The following METTL21C variants were observed in gnomAD, a reference collection of about 807,000 sequenced individuals.
The protein encoded by METTL21C is protein-lysine methyltransferase METTL21C.
Under a neutral mutation model 25.9 loss-of-function variants are expected in METTL21C, and 21 were observed. The ratio of observed to expected loss-of-function variants is 0.81; its 90% CI spans 0.58 to 1.17. The LOEUF is 1.17. METTL21C is among the 50% of genes most tolerant of loss of function. The pLI, the probability that METTL21C is intolerant of heterozygous loss-of-function variation, is 0.00. For missense variants in METTL21C, 312 were observed against 315.1 expected (o/e 0.99, Z 0.07); for synonymous variants, 125 against 124.7 (o/e 1.00, Z -0.01).
upstream of METTL21C, among the ~76,000 whole-genome samples, chr13:102,698,236 C>T (rs1276875167): frequency 6.6e-6 from 1 of 152,170 alleles, no homozygotes; most frequent in African/African-American, 2.4e-5. Context: ...TTCTGGATCA[C>T]TCACCTAATC....
upstream of METTL21C, among the ~76,000 whole-genome samples, chr13:102,697,992 C>G (rs113862280): frequency 7.9e-5 from 12 of 152,276 alleles, no homozygotes; most frequent in African/African-American, 2.2e-4. Context: ...GAGCAGCAGC[C>G]AGGGCACTCC....
Position 102,690,680 on chromosome 13 carries a change from AG to A in METTL21C, c.282+132del, listed in dbSNP as rs980637862. 6 of 974,964 alleles carry A rather than the reference AG, an allele frequency of 6.2e-6. No individual in the cohort carries two copies. In the African/African-American group the frequency reaches 8.5e-5, roughly 14 times the overall value. 60.4% of individuals were successfully genotyped at this position (974,964 alleles called of 1,614,324 possible). A position where few individuals can be genotyped will look rare whatever the true frequency, so the allele number is the denominator to read the frequency against. The stretch of plus-strand genomic sequence containing the variant: ...CCCAAGCACTCCACCAACACCCTCC[AG>A]GGGGCAAGCAACTGAACCTCAAATT... On this transcript the variant is annotated intron_variant, in intron 2 of 3. Transcript: ENST00000267273.
chr13:102,688,813 G>A (rs901393021), intron 2 of METTL21C, among the ~76,000 whole-genome samples: 2 of 152,168 alleles, frequency 1.3e-5, no homozygotes, highest in African/African-American at 4.8e-5. Flanking sequence ...AGGGTGTCAT[G>A]CGGAGACAAA....
At chr13:102,701,137 T>C in the METTL21C span, among the ~76,000 whole-genome samples, 1,238 of 151,992 alleles carry the variant, frequency 8.1e-3, 15 homozygotes, top group African/African-American at 0.028. Context: ...ATGGACTCCA[T>C]TGGAGAGACG....
the METTL21C span, among the ~76,000 whole-genome samples, chr13:102,702,391 T>G: frequency 6.6e-6 from 1 of 152,098 alleles, no homozygotes; most frequent in Admixed American, 6.5e-5. Context: ...TATTTAGCAT[T>G]GTGTAGAAGT....
At chr13:102,697,711 G>A (rs569124496), upstream of METTL21C, among the ~76,000 whole-genome samples, 14 of 150,646 alleles carry the variant, frequency 9.3e-5, no homozygotes, top group South Asian at 2.1e-4. Context: ...CTGGTTTCTC[G>A]ATGAAGCAGA....
chr13:102,697,932 G>T (rs577937234), upstream of METTL21C, among the ~76,000 whole-genome samples: 1 of 152,250 alleles, frequency 6.6e-6, no homozygotes, highest in Admixed American at 6.5e-5. Flanking sequence ...CACTCCAGCT[G>T]CAGAGAGCTC....
At chr13:102,696,915 C>T (rs1056231136), upstream of METTL21C, among the ~76,000 whole-genome samples, 6 of 151,994 alleles carry the variant, frequency 3.9e-5, no homozygotes, top group South Asian at 2.1e-4. Context: ...AAGGGATTGA[C>T]GGGGGGCAGG....
chr13:102,697,197 G>T (rs1047818671), upstream of METTL21C, among the ~76,000 whole-genome samples: 1 of 152,150 alleles, frequency 6.6e-6, no homozygotes, highest in East Asian at 1.9e-4. Flanking sequence ...GGCTATTCAT[G>T]TGCTGTCACT....
At position 102,694,461 on chromosome 13, in the gene METTL21C, C is replaced by A. The variant is rs753242037; in HGVS notation, c.38G>T (p.Arg13Leu). Residue 13 changes from arginine (R) to leucine (L), a missense_variant, in exon 1 of 4, where the codon CGC becomes CTC. Transcript: ENST00000267273. ...CGGGGAGCTGAGTCCTTCCCCCCGG[C>A]GCCCAGGCTGCTGCGCGGAGCTCAG... is the stretch of plus-strand genomic sequence containing the variant. The part of the protein sequence containing the change: ...VCLSSAQQPG[R>L]RGEGLSSPGG... The A allele has an allele frequency of 1.4e-6, 2 of 1,457,754 alleles. No homozygotes were observed. The highest frequency in any genetic ancestry group is 2.5e-5 in the East Asian group (1 of 39,472). The allele number at this position is 1,457,754 out of a possible 1,614,324, so 90.3% of individuals were successfully genotyped here. A position where few individuals can be genotyped will look rare whatever the true frequency, so the allele number is the denominator to read the frequency against.
intron 3 of METTL21C, among the ~76,000 whole-genome samples, chr13:102,686,714 CTCAACT>C (rs1172352631): frequency 6.6e-6 from 1 of 152,206 alleles, no homozygotes. Context: ...TGCCTCTGGA[CTCAACT>C]TCGTCCCATG....
chr13:102,701,003 C>T, the METTL21C span, among the ~76,000 whole-genome samples: 1 of 151,894 alleles, frequency 6.6e-6, no homozygotes, highest in South Asian at 2.1e-4. Flanking sequence ...GACCACTGTT[C>T]AGAAAGATCA....
At chr13:102,686,906 A>C in intron 3 of METTL21C, 34 bp downstream of exon 3, 1 of 1,527,698 alleles carries the variant, frequency 6.5e-7, no homozygotes, top group Non-Finnish European at 9.1e-7. Context: ...TACAGTAAAG[A>C]TCTGGATACT....
chr13:102,694,336 G>A (rs1566390677), intron 1 of METTL21C, 33 bp downstream of exon 1: 1 of 1,589,364 alleles, frequency 6.3e-7, no homozygotes, highest in South Asian at 1.1e-5. Context: ...AACAACTGAG[G>A]AAAACTGTTG....
At chr13:102,695,147 G>A (rs1885926869), upstream of METTL21C, among the ~76,000 whole-genome samples, 1 of 152,046 alleles carries the variant, frequency 6.6e-6, no homozygotes, top group African/African-American at 2.4e-5. Context: ...GGGAGGACAT[G>A]CCCACCCAGC....
chr13:102,703,609 C>G, the METTL21C span, among the ~76,000 whole-genome samples: 1 of 152,202 alleles, frequency 6.6e-6, no homozygotes, highest in African/African-American at 2.4e-5. Context: ...CTCGTTACAG[C>G]ACAGTGAAGC....
upstream of METTL21C, among the ~76,000 whole-genome samples, chr13:102,698,349 G>A (rs1885979362): frequency 6.6e-6 from 1 of 152,140 alleles, no homozygotes; most frequent in African/African-American, 2.4e-5. Context: ...AGCACACGCA[G>A]CATGGATCAT....
upstream of METTL21C, among the ~76,000 whole-genome samples, chr13:102,695,142 G>A (rs1885926706): frequency 6.6e-6 from 1 of 152,034 alleles, no homozygotes; most frequent in African/African-American, 2.4e-5. Context: ...CCACAGGGAG[G>A]ACATGCCCAC....
chr13:102,701,161 C>A, the METTL21C span, among the ~76,000 whole-genome samples: 1 of 151,832 alleles, frequency 6.6e-6, no homozygotes, highest in Non-Finnish European at 1.5e-5. Flanking sequence ...TCCCATGAGG[C>A]CATGCTGTCA....
Sources: gnomAD v4.1 joint callset for allele counts (sites outside exome capture counted in the v4.1 genomes callset) on GRCh38, gnomAD v4.1.1 for gene constraint, MANE v1.5 for transcripts, NCBI Gene and HGNC (gene_info 2026-07-23, HGNC 2026-07-21) for gene names.